Variants in APP observed in about 807,000 individuals in gnomAD.
The protein encoded by APP is amyloid-beta precursor protein.
APP carries 31 observed loss-of-function variants against 101.4 expected under a neutral mutation model. The observed-to-expected ratio is 0.31, with a 90% CI of 0.23 to 0.41. The LOEUF is 0.41. APP is among the 10% of genes least tolerant of loss of function. The pLI is 1.00. For synonymous variants in APP, 366 were observed against 364.4 expected, an observed-to-expected ratio of 1.00 and a Z score of -0.05; for missense variants, 839 against 1,003.7, an observed-to-expected ratio of 0.84 and a Z score of 2.22.
chr21:26,116,233 T>G (rs1371144589), intron 1 of APP, among the ~76,000 whole-genome samples: 2 of 152,126 alleles, frequency 1.3e-5, no homozygotes, highest in East Asian at 3.9e-4. Context: ...ATATCAAACT[T>G]AAAAATGCTA....
In APP at chr21:25,881,277, C is replaced by A; in HGVS notation, c.*393G>T. ...ACTCCCACGTTCACATGAAGCATCCCCCATCGATTCTTAAAGCATATGTAA... is the reference window on the plus strand; with the variant it reads ...ACTCCCACGTTCACATGAAGCATCCACCATCGATTCTTAAAGCATATGTAA... On this transcript the variant is annotated 3_prime_UTR_variant, in exon 18 of 18. Coordinates refer to ENST00000346798, the MANE Select transcript of APP (RefSeq NM_000484.4). 1 of 265,644 alleles carries A rather than the reference C, an allele frequency of 3.8e-6. No individual in the cohort carries two copies. Among genetic ancestry groups the A allele is most frequent in the Non-Finnish European group, 7.4e-6 (1 of 135,688 alleles). The allele number at this position is 265,644 out of a possible 1,614,324, so 16.5% of individuals were successfully genotyped here.
intron 8 of APP, among the ~76,000 whole-genome samples, chr21:25,996,089 T>C (rs542414105): frequency 6.6e-6 from 1 of 152,350 alleles, no homozygotes; most frequent in South Asian, 2.1e-4. Flanking sequence ...TATTTCTGGA[T>C]GGAATCCAAA....
chr21:26,019,796 C>T (rs1027254644), intron 6 of APP, among the ~76,000 whole-genome samples: 2 of 152,192 alleles, frequency 1.3e-5, no homozygotes, highest in Admixed American at 6.5e-5. Flanking sequence ...GAAGAGAAGC[C>T]CTGAAAAGCT....
chr21:26,084,761 A>G (rs537440487), intron 3 of APP, among the ~76,000 whole-genome samples: 1 of 152,268 alleles, frequency 6.6e-6, no homozygotes, highest in Non-Finnish European at 1.5e-5. Flanking sequence ...ATGCTGCTTA[A>G]ATTTTGTTGA....
At chr21:26,166,824 T>G (rs1344647912) in intron 1 of APP, among the ~76,000 whole-genome samples, 1 of 151,584 alleles carries the variant, frequency 6.6e-6, no homozygotes, top group Non-Finnish European at 1.5e-5. Flanking sequence ...TATTTCAAAT[T>G]CCCTACTCCT....
intron 17 of APP, among the ~76,000 whole-genome samples, chr21:25,882,307 T>A (rs147115522): frequency 1.3e-5 from 2 of 150,918 alleles, no homozygotes; most frequent in East Asian, 3.9e-4. Context: ...GTTAAAATGT[T>A]AAGGAGAGGT....
intron 3 of APP, among the ~76,000 whole-genome samples, chr21:26,074,880 G>A (rs1434013362): frequency 6.6e-6 from 1 of 152,168 alleles, no homozygotes; most frequent in Non-Finnish European, 1.5e-5. Flanking sequence ...CTAGACATGT[G>A]TAGGATAGGT....
chr21:26,115,678 T>A (rs2062419787), intron 1 of APP, among the ~76,000 whole-genome samples: 1 of 152,202 alleles, frequency 6.6e-6, no homozygotes, highest in Non-Finnish European at 1.5e-5. Flanking sequence ...AGGGTCCTAT[T>A]CAGGATCTGT....
At chr21:25,939,402 T>C (rs1458535541) in intron 13 of APP, among the ~76,000 whole-genome samples, 1 of 152,244 alleles carries the variant, frequency 6.6e-6, no homozygotes, top group African/African-American at 2.4e-5. Context: ...TGCGATTTAG[T>C]AATTCACAAA....
In APP at chr21:26,041,585, C is replaced by T. The variant is rs143339786; in HGVS notation, c.662+9415G>A. Among the ~76,000 whole-genome samples the T allele has an allele frequency of 3.2e-4, 48 of 152,140 alleles. No homozygotes were observed. In the Middle Eastern group the frequency reaches 0.017, roughly 54 times the overall value. On this transcript the variant is annotated intron_variant, in intron 5 of 17. Transcript: ENST00000346798. The stretch of plus-strand genomic sequence containing the variant: ...TACAGTATTTCTCATTCAGCAATAT[C>T]CTGTTACTGGGGCAACCTGTGCCAT...
chr21:26,016,361 T>C (rs2044063483), intron 6 of APP, among the ~76,000 whole-genome samples: 1 of 152,130 alleles, frequency 6.6e-6, no homozygotes, highest in South Asian at 2.1e-4. Context: ...TTCTAAAAAT[T>C]CAGAAATGCA....
intron 3 of APP, among the ~76,000 whole-genome samples, chr21:26,076,611 T>C (rs528260202): frequency 2.0e-5 from 3 of 152,362 alleles, no homozygotes; most frequent in African/African-American, 7.2e-5. Context: ...TAATTTTATA[T>C]TTGTATAATC....
chr21:26,037,636 T>C (rs781666692), intron 5 of APP, among the ~76,000 whole-genome samples: 5 of 152,196 alleles, frequency 3.3e-5, no homozygotes, highest in Non-Finnish European at 5.9e-5. Context: ...CAGCATCCTG[T>C]TCCACTGCAC....
chr21:26,029,308 C>T (rs1254912789), intron 5 of APP, among the ~76,000 whole-genome samples: 1 of 151,598 alleles, frequency 6.6e-6, no homozygotes, highest in Non-Finnish European at 1.5e-5. Flanking sequence ...AAGCTGGACA[C>T]TGGGCCAGGA....
chr21:26,056,236 A>G (rs1393828135), intron 3 of APP, among the ~76,000 whole-genome samples: 2 of 152,012 alleles, frequency 1.3e-5, no homozygotes, highest in Non-Finnish European at 2.9e-5. Flanking sequence ...CAGGGTCTAG[A>G]TATGTTGCCC....
intron 3 of APP, among the ~76,000 whole-genome samples, chr21:26,077,180 C>T (rs763908348): frequency 3.3e-5 from 5 of 152,162 alleles, no homozygotes; most frequent in Non-Finnish European, 5.9e-5. Context: ...TGATCGATTT[C>T]TCCATAACAA....
At chr21:25,904,457 C>T (rs188469501) in intron 15 of APP, among the ~76,000 whole-genome samples, 136 of 152,286 alleles carry the variant, frequency 8.9e-4, no homozygotes, top group Non-Finnish European at 1.6e-3. Flanking sequence ...TTACTTTAGC[C>T]ACTCATTGAG....
chr21:25,911,732 GA>G lies in APP; in HGVS notation c.1909+8del. ...CCAGAACGCCCTTGCTGGCTCAGGG[GA>G]CTCTTACCTTCGTTTTCTGTGTTGG... On this transcript the variant is annotated splice_region_variant and intron_variant, in intron 14 of 17. Transcript: ENST00000346798. 6.2e-7 allele frequency: 1 copy of G among 1,613,554 alleles called. No individual in the cohort carries two copies. Among genetic ancestry groups the G allele is most frequent in the Non-Finnish European group, 8.5e-7 (1 of 1,179,656 alleles).
At chr21:26,066,007 T>A (rs1172278208) in intron 3 of APP, among the ~76,000 whole-genome samples, 1 of 152,186 alleles carries the variant, frequency 6.6e-6, no homozygotes. Flanking sequence ...TTACGTGTTC[T>A]GGGACGCGCC....
Sources: gnomAD v4.1 joint callset for allele counts (sites outside exome capture counted in the v4.1 genomes callset) on GRCh38, gnomAD v4.1.1 for gene constraint, MANE v1.5 for transcripts, NCBI Gene and HGNC (gene_info 2026-07-23, HGNC 2026-07-21) for gene names.